AKAP9: variants seen among roughly 807,000 people sequenced by gnomAD.
AKAP9 encodes A-kinase anchoring protein 9.
A neutral mutation model predicts 488.5 loss-of-function variants in AKAP9; 311 were observed. That is an observed-to-expected ratio of 0.64 (90% CI 0.58 to 0.70). The LOEUF (loss-of-function observed/expected upper bound fraction) is 0.70, where lower values mean the gene tolerates loss of function less well. AKAP9 is among the 30% of genes least tolerant of loss of function. AKAP9 has a pLI of 0.00. For missense variants in AKAP9, 4,215 were observed against 4,374.5 expected (o/e 0.96, Z 1.03); for synonymous variants, 1,462 against 1,483.5 (o/e 0.99, Z 0.33).
At chr7:91,951,907 A>G (rs1689586456) in intron 1 of AKAP9, among the ~76,000 whole-genome samples, 1 of 152,264 alleles carries the variant, frequency 6.6e-6, no homozygotes, top group Admixed American at 6.5e-5. Context: ...AAATAAAAAA[A>G]TTTGTCTCCC....
chr7:91,994,176 C>T (rs758871167), intron 5 of AKAP9, among the ~76,000 whole-genome samples: 8 of 152,118 alleles, frequency 5.3e-5, no homozygotes, highest in African/African-American at 9.7e-5. Context: ...TAAGTAACCT[C>T]TTGTGGTTAG....
In AKAP9 at chr7:92,083,545, C is replaced by A; in HGVS notation, c.8536C>A (p.His2846Asn). ...TGAAATTTTGGACATGGAATCCAGA[C>A]ATATTTCAGAAACTGAAACCTTAAA... Reference protein sequence around the residue: ...AAEILDMESRHISETETLKRE... With the variant: ...AAEILDMESRNISETETLKRE... The change falls in exon 33 of 50, where the codon CAT becomes AAT. Residue 2846 changes from histidine to asparagine, a missense_variant. Transcript: ENST00000356239. The A allele has an allele frequency of 6.2e-7, 1 of 1,601,142 alleles. No individual in the cohort carries two copies.
rs1426532950 is a variant in AKAP9 at position 92,002,601 on chromosome 7, C to T, written c.2684C>T (p.Ala895Val). ...TTAGAGTATAAAAGTAAACTTAAAG[C>T]ACTTAATGAAGAGCTTCATTTGCAA... is the stretch of plus-strand genomic sequence containing the variant. ...QELEYKSKLKALNEELHLQRI... is the reference protein window; with the variant it reads ...QELEYKSKLKVLNEELHLQRI... The change falls in exon 8 of 50, where the codon GCA becomes GTA. Residue 895 changes from alanine to valine, a missense_variant. Physicochemically the swap from Ala to Val is moderately conservative, Grantham distance 64. This residue lies in a region of AKAP9 where 2,361 missense variants were observed against 2,430.0 expected (regional missense o/e 0.97). Coordinates refer to ENST00000356239, the MANE Select transcript of AKAP9 (RefSeq NM_005751.5). 1 of 1,610,664 alleles carries T rather than the reference C, an allele frequency of 6.2e-7. No individual in the cohort carries two copies.
chr7:92,089,354 T>C (rs1421226051), intron 37 of AKAP9, 31 bp from the exon 38 acceptor site: 1 of 1,610,336 alleles, frequency 6.2e-7, no homozygotes, highest in Admixed American at 1.7e-5. Flanking sequence ...TACATTGCTC[T>C]TCACTTGTTT....
At chr7:91,969,039 T>C (rs567943657) in intron 1 of AKAP9, among the ~76,000 whole-genome samples, 155 of 151,858 alleles carry the variant, frequency 1.0e-3, no homozygotes, top group African/African-American at 3.7e-3. Flanking sequence ...GCCTAGCCAA[T>C]GTTTTGAAAT....
intron 21 of AKAP9, among the ~76,000 whole-genome samples, chr7:92,047,638 G>T (rs1347393473): frequency 1.3e-5 from 2 of 152,114 alleles, no homozygotes; most frequent in African/African-American, 2.4e-5. Context: ...TTGCTATTCT[G>T]ATTCAAAGCA....
At chr7:92,074,019 TG>T (rs1446603109) in intron 28 of AKAP9, among the ~76,000 whole-genome samples, 2 of 152,144 alleles carry the variant, frequency 1.3e-5, no homozygotes, top group Non-Finnish European at 2.9e-5. Flanking sequence ...AATTGACAAA[TG>T]GCATCTAATT....
intron 1 of AKAP9, 127 bp from the exon 2 acceptor site, chr7:91,973,584 T>G: frequency 1.9e-6 from 2 of 1,048,448 alleles, no homozygotes; most frequent in African/African-American, 3.2e-5. Flanking sequence ...ATAATTGTTC[T>G]TTATTTTTTC....
chr7:92,002,389 A>G lies in AKAP9; in HGVS notation c.2472A>G (p.Ile824Met), dbSNP rs780160560. 1.2e-6 allele frequency: 2 copies of G among 1,611,084 alleles called. No individual in the cohort carries two copies. The highest frequency in any genetic ancestry group is 1.7e-6 in the Non-Finnish European group (2 of 1,178,900). The change falls in exon 8 of 50, where the codon ATA becomes ATG. Residue 824 changes from isoleucine (I) to methionine (M), a missense_variant. Ile to Met is a conservative substitution (Grantham distance 10). Around this residue, in one of 5 missense-constraint regions of AKAP9, gnomAD observed 2,361 missense variants for 2,430.0 expected, o/e 0.97. Transcript: ENST00000356239. Reference protein sequence around the residue: ...KDSVWEKEIEILIEENEDLKQ... With the variant: ...KDSVWEKEIEMLIEENEDLKQ... ...CTGTGTGGGAAAAAGAAATAGAAAT[A>G]CTTATAGAGGAAAATGAGGACCTCA...
intron 1 of AKAP9, among the ~76,000 whole-genome samples, chr7:91,959,960 G>A (rs778165529): frequency 6.6e-6 from 1 of 152,130 alleles, no homozygotes; most frequent in Non-Finnish European, 1.5e-5. Context: ...TTTACAAATG[G>A]TCTTTGGGAC....
chr7:92,096,699 T>A lies in AKAP9; in HGVS notation c.9740T>A (p.Phe3247Tyr). The A allele has an allele frequency of 6.2e-7, 1 of 1,614,044 alleles. No homozygotes were observed. The highest frequency in any genetic ancestry group is 8.5e-7 in the Non-Finnish European group (1 of 1,179,974). Residue 3247 changes from phenylalanine (F) to tyrosine (Y), a missense_variant, in exon 41 of 50, where the codon TTT (phenylalanine) becomes TAT (tyrosine). Phe to Tyr is a conservative substitution (Grantham distance 22). Coordinates refer to ENST00000356239, the MANE Select transcript of AKAP9 (RefSeq NM_005751.5). ...RDKEELEDLK[F>Y]SLESQKQRNL... is the part of the protein sequence containing the mutation. ...ATTTTCTCGTACCAGGATCTGAAGT[T>A]TTCACTTGAGAGTCAGAAACAAAGG...
chr7:92,084,744 T>A, intron 34 of AKAP9, 41 bp downstream of exon 34: 1 of 1,607,962 alleles, frequency 6.2e-7, no homozygotes, highest in Non-Finnish European at 8.5e-7. Flanking sequence ...AGTAGTTGTT[T>A]AAGAAATAAT....
In AKAP9 at chr7:92,084,834, G is replaced by A; in HGVS notation, c.8726G>A (p.Trp2909Ter). The change falls in exon 35 of 50, where the codon TGG becomes TAG. Residue 2909 changes from tryptophan (W) to a stop codon, truncating the protein, a stop_gained. Transcript: ENST00000356239. LOFTEE classifies it high-confidence loss of function. ...EICSSDSGSD[W>*]GQGIYLTHSQ... is the part of the protein sequence containing the mutation. ...TTTATTTTAGATTCTGGATCAGACTGGGGTCAGGGAATTTATCTTACACAC... is the reference window on the plus strand; with the variant it reads ...TTTATTTTAGATTCTGGATCAGACTAGGGTCAGGGAATTTATCTTACACAC... 1 of 1,613,182 alleles carries A rather than the reference G, an allele frequency of 6.2e-7. No homozygotes were observed. Among genetic ancestry groups the A allele is most frequent in the Non-Finnish European group, 8.5e-7 (1 of 1,179,608 alleles).
intron 1 of AKAP9, among the ~76,000 whole-genome samples, chr7:91,953,730 G>T (rs1332554870): frequency 6.6e-6 from 1 of 152,112 alleles, no homozygotes; most frequent in Non-Finnish European, 1.5e-5. Context: ...TTAAAATGGT[G>T]TGGATGTTAT....
chr7:92,076,369 T>C (rs1177115581), intron 28 of AKAP9, among the ~76,000 whole-genome samples: 1 of 152,256 alleles, frequency 6.6e-6, no homozygotes, highest in East Asian at 1.9e-4. Flanking sequence ...CTTGGCTTCC[T>C]TCTGCTTAAC....
In AKAP9 at chr7:92,110,215, A is replaced by G; in HGVS notation, c.*56A>G. 7.2e-7 allele frequency: 1 copy of G among 1,383,194 alleles called. No individual in the cohort carries two copies. Among genetic ancestry groups the G allele is most frequent in the South Asian group, 1.2e-5 (1 of 82,894 alleles). 85.7% of individuals were successfully genotyped at this position (1,383,194 alleles called of 1,614,324 possible). A position where few individuals can be genotyped will look rare whatever the true frequency, so the allele number is the denominator to read the frequency against. ...TTAAATAGATTTCCTTTTGTAAATC[A>G]ATGGTTCTTTTGTGCTTTTGTATTG... On this transcript the variant is annotated 3_prime_UTR_variant, in exon 50 of 50. Coordinates refer to ENST00000356239, the MANE Select transcript of AKAP9 (RefSeq NM_005751.5).
At position 92,066,432 on chromosome 7, in the gene AKAP9, A is replaced by G; in HGVS notation, c.6216A>G (p.Gln2072=). 6.2e-7 allele frequency: 1 copy of G among 1,613,184 alleles called. No individual in the cohort carries two copies. The highest frequency in any genetic ancestry group is 1.7e-4 in the Middle Eastern group (1 of 6,052). The change falls in exon 26 of 50, where the codon CAA becomes CAG. Residue 2072 remains glutamine, a synonymous_variant. Transcript: ENST00000356239. ...LEKMRKFLDE[Q]AIDREHERDV... is the part of the protein sequence containing the mutation. The stretch of plus-strand genomic sequence containing the variant: ...TTATTGTCATTAAACTTTAGGAGCA[A>G]GCCATTGACAGAGAACATGAGAGAG...
chr7:92,105,801 T>C, intron 47 of AKAP9, 38 bp downstream of exon 47: 1 of 1,551,366 alleles, frequency 6.4e-7, no homozygotes, highest in Non-Finnish European at 8.9e-7. Flanking sequence ...TGTTTATGAC[T>C]CTCTAAATCA....
Position 91,992,906 on chromosome 7 carries a change from G to C in AKAP9, c.427G>C (p.Asp143His), listed in dbSNP as rs751764031. ...LLREEEFGVD[D>H]SYSEQGAQDS... Reference sequence around the variant, plus strand: ...TTAGGAAGAAGAATTTGGTGTTGATGATTCTTATTCTGAACAAGGAGCACA... The same window carrying C: ...TTAGGAAGAAGAATTTGGTGTTGATCATTCTTATTCTGAACAAGGAGCACA... The change falls in exon 5 of 50, where the codon GAT (aspartate) becomes CAT (histidine). Residue 143 changes from aspartate (D) to histidine (H), a missense_variant. By Grantham distance (81) the Asp-to-His change is moderately conservative (BLOSUM62 -1). Transcript: ENST00000356239. The C allele has an allele frequency of 2.5e-6, 4 of 1,613,912 alleles. No individual in the cohort carries two copies. Among genetic ancestry groups the C allele is most frequent in the Non-Finnish European group, 1.7e-6 (2 of 1,179,910 alleles).
Sources: gnomAD v4.1 joint callset for allele counts (sites outside exome capture counted in the v4.1 genomes callset) on GRCh38, gnomAD v4.1.1 for gene constraint, gnomAD v4.1.1 regional missense constraint, MANE v1.5 for transcripts, NCBI Gene and HGNC (gene_info 2026-07-23, HGNC 2026-07-21) for gene names.